Variants in ZNF706 observed in about 807,000 individuals in gnomAD.
The protein encoded by ZNF706 is transcriptional regulator ZNF706.
A neutral mutation model predicts 9.2 loss-of-function variants in ZNF706; 4 were observed. The ratio of observed to expected loss-of-function variants is 0.43; its 90% confidence interval spans 0.21 to 0.99. ZNF706 has a LOEUF of 0.99. Ranked by LOEUF, ZNF706 falls within the 50% of genes least tolerant of loss-of-function variation. The pLI, the probability that ZNF706 is intolerant of heterozygous loss-of-function variation, is 0.26. For missense variants in ZNF706, 27 were observed against 87.8 expected (o/e 0.31, Z 2.77); for synonymous variants, 28 against 27.3 (o/e 1.03, Z -0.08).
chr8:101,199,718 T>C (rs899214210), intron 3 of ZNF706, among the ~76,000 whole-genome samples: 1 of 152,208 alleles, frequency 6.6e-6, no homozygotes, highest in African/African-American at 2.4e-5. Context: ...CTATTTTCTT[T>C]AAACTGATAA....
At position 101,201,347 on chromosome 8, in the gene ZNF706, A is replaced by G; in HGVS notation, c.135+260T>C. 2.3e-6 allele frequency: 1 copy of G among 435,076 alleles called. No individual in the cohort carries two copies. The allele number at this position is 435,076 out of a possible 1,614,324, so 27.0% of individuals were successfully genotyped here. On this transcript the variant is annotated intron_variant, in intron 2 of 3. Coordinates refer to ENST00000311212, the MANE Select transcript of ZNF706 (RefSeq NM_016096.5). The surrounding 1 kb of genome is among the most constrained non-coding windows in gnomAD (Gnocchi z 4.5). Reference sequence around the variant, plus strand: ...AAGTGTATTATATGCCCTTATGAAGACATCTTTATTTTATATGAGGAAAGC... The same window carrying G: ...AAGTGTATTATATGCCCTTATGAAGGCATCTTTATTTTATATGAGGAAAGC...
intron 3 of ZNF706, among the ~76,000 whole-genome samples, 181 bp from the exon 4 acceptor site, chr8:101,199,420 C>T (rs547098888): frequency 6.6e-6 from 1 of 152,274 alleles, no homozygotes; most frequent in Non-Finnish European, 1.5e-5. Flanking sequence ...AAACACACAA[C>T]ACACCCACCA....
chr8:101,200,346 T>G (rs766907256), intron 2 of ZNF706: 1 of 320,770 alleles, frequency 3.1e-6, no homozygotes, highest in Non-Finnish European at 5.9e-6. Flanking sequence ...CAGCAAACAA[T>G]AGGTAACATT....
At chr8:101,202,155 T>C (rs572962026) in intron 1 of ZNF706, among the ~76,000 whole-genome samples, 6 of 152,052 alleles carry the variant, frequency 3.9e-5, no homozygotes, top group East Asian at 3.9e-4. Context: ...ATTTAAAAAA[T>C]TGTGGCCAGG....
rs150178432 is a variant in ZNF706, at chr8:101,197,757, G to C, written c.*1495C>G. The C allele has an allele frequency of 9.2e-5, 14 of 152,076 alleles. No individual in the cohort carries two copies. Among genetic ancestry groups the C allele is most frequent in the African/African-American group, 3.4e-4 (14 of 41,424 alleles). The allele number at this position is 152,076 out of a possible 1,614,324, so 9.4% of individuals were successfully genotyped here. A position where few individuals can be genotyped will look rare whatever the true frequency, so the allele number is the denominator to read the frequency against. On this transcript the variant is annotated 3_prime_UTR_variant, in exon 4 of 4. Coordinates refer to ENST00000311212, the MANE Select transcript of ZNF706 (RefSeq NM_016096.5). ...GGAAATAAAATACACAAAATAAAAG[G>C]ACTATTTTAAAGTAAGGGCATAAGA...
chr8:101,200,077 C>T lies in ZNF706; in HGVS notation c.156G>A (p.Lys52=). ...TGCTCTCAAAGTGCTGCTTGAAGGT[C>T]TTAGGGTCTGGCATTTGTGTCTAAC... The part of the protein sequence containing the change: ...TVCRTQMPDP[K]TFKQHFESKH... Residue 52 remains lysine, a synonymous_variant, in exon 3 of 4, where the codon AAG becomes AAA. Transcript: ENST00000311212. 6.2e-7 allele frequency: 1 copy of T among 1,612,498 alleles called. No individual in the cohort carries two copies. The highest frequency in any genetic ancestry group is 8.5e-7 in the Non-Finnish European group (1 of 1,179,580).
chr8:101,201,064 G>T lies in ZNF706; in HGVS notation c.135+543C>A. The T allele has an allele frequency of 5.8e-6, 1 of 171,360 alleles. No homozygotes were observed. Among genetic ancestry groups the T allele is most frequent in the South Asian group, 1.0e-4 (1 of 9,640 alleles). The allele number at this position is 171,360 out of a possible 1,614,324, so 10.6% of individuals were successfully genotyped here. A position where few individuals can be genotyped will look rare whatever the true frequency, so the allele number is the denominator to read the frequency against. Reference sequence around the variant, plus strand: ...ATAGGGTTGTTATGTGGATTAAATAGGTGAATACATGTAAAACACCTGGCT... The same window carrying T: ...ATAGGGTTGTTATGTGGATTAAATATGTGAATACATGTAAAACACCTGGCT... On this transcript the variant is annotated intron_variant, in intron 2 of 3. Transcript: ENST00000311212. The surrounding 1 kb of genome is among the most constrained non-coding windows in gnomAD (Gnocchi z 4.5).
chr8:101,204,678 T>C (rs746917663), intron 1 of ZNF706: 4 of 985,444 alleles, frequency 4.1e-6, no homozygotes, highest in Non-Finnish European at 4.8e-6. Context: ...ACTCTCAGTG[T>C]GGTTTTCCGA....
In ZNF706 at chr8:101,201,429, G is replaced by A. The variant is rs986670359; in HGVS notation, c.135+178C>T. The A allele has an allele frequency of 5.3e-5, 32 of 605,050 alleles. No homozygotes were observed. The highest frequency in any genetic ancestry group is 4.5e-4 in the Middle Eastern group (1 of 2,234). 37.5% of individuals were successfully genotyped at this position (605,050 alleles called of 1,614,324 possible). ...ACCTAGAGATTTTTGCCTGGCCACA[G>A]GAGCCATTCAAAAAATATTTGTTTA... On this transcript the variant is annotated intron_variant, in intron 2 of 3. Transcript: ENST00000311212. The surrounding 1 kb of genome is among the most constrained non-coding windows in gnomAD (Gnocchi z 4.5).
At chr8:101,199,527 A>G (rs1030824876) in intron 3 of ZNF706, among the ~76,000 whole-genome samples, 41 of 152,200 alleles carry the variant, frequency 2.7e-4, no homozygotes, top group African/African-American at 9.9e-4. Context: ...TATATAGCAC[A>G]TATCTACATC....
Position 101,201,869 on chromosome 8 carries a change from AG to A in ZNF706, c.-2-127del. On this transcript the variant is annotated intron_variant, in intron 1 of 3. Coordinates refer to ENST00000311212, the MANE Select transcript of ZNF706 (RefSeq NM_016096.5). This position sits in a 1 kb window ranked among gnomAD's most constrained non-coding sequence, Gnocchi z 4.5. The stretch of plus-strand genomic sequence containing the variant: ...AAATATCTGGCAAATAAAAATTTAT[AG>A]GTATTAAAATTCCCACATATAAATG... 9.8e-7 allele frequency: 1 copy of A among 1,019,708 alleles called. No individual in the cohort carries two copies. Among genetic ancestry groups the A allele is most frequent in the Non-Finnish European group, 1.4e-6 (1 of 716,584 alleles). 63.2% of individuals were successfully genotyped at this position (1,019,708 alleles called of 1,614,324 possible).
At chr8:101,204,919 T>G in intron 1 of ZNF706, 1 of 985,598 alleles carries the variant, frequency 1.0e-6, no homozygotes, top group Non-Finnish European at 1.2e-6. Context: ...ACCATCGTTT[T>G]GGGGAGAGGA....
At chr8:101,200,993 C>T in intron 2 of ZNF706, 1 of 260,610 alleles carries the variant, frequency 3.8e-6, no homozygotes, top group Admixed American at 4.6e-5. Flanking sequence ...TTCCATTAGT[C>T]AGTTTACTCT....
At chr8:101,200,206 C>A in intron 2 of ZNF706, 109 bp from the exon 3 acceptor site, 1 of 789,288 alleles carries the variant, frequency 1.3e-6, no homozygotes, top group Non-Finnish European at 2.0e-6. Flanking sequence ...CCAAAAACAC[C>A]TTTAAATTCC....
chr8:101,199,854 CA>C lies in ZNF706; in HGVS notation c.*12+135del, dbSNP rs1586265318. 8.5e-5 allele frequency: 53 copies of C among 626,364 alleles called. 1 individual carries two copies. The East Asian group carries it at 1.5e-3, about 18-fold the overall frequency. The allele number at this position is 626,364 out of a possible 1,614,324, so 38.8% of individuals were successfully genotyped here. On this transcript the variant is annotated intron_variant, in intron 3 of 3. Transcript: ENST00000311212. Reference sequence around the variant, plus strand: ...AATAGTCTGAGAAAAAGGGACTTTTCAGTTACACATTAACTTAAAAAGGGGA... The same window carrying C: ...AATAGTCTGAGAAAAAGGGACTTTTCGTTACACATTAACTTAAAAAGGGGA...
rs1268107630 is a variant in ZNF706, at chr8:101,204,708, G to C, written c.-3+727C>G. The C allele has an allele frequency of 5.1e-6, 5 of 985,366 alleles. No homozygotes were observed. The African/African-American group carries it at 8.7e-5, about 17-fold the overall frequency. The allele number at this position is 985,366 out of a possible 1,614,324, so 61.0% of individuals were successfully genotyped here. On this transcript the variant is annotated intron_variant, in intron 1 of 3. Coordinates refer to ENST00000311212, the MANE Select transcript of ZNF706 (RefSeq NM_016096.5). Reference sequence around the variant, plus strand: ...TTCCGAGGGGGCTGCAAAGAGGGAAGTAGTGGAAGAAACGAGTTCTAAAAT... The same window carrying C: ...TTCCGAGGGGGCTGCAAAGAGGGAACTAGTGGAAGAAACGAGTTCTAAAAT...
chr8:101,200,149 T>C (rs757441200), intron 2 of ZNF706, 52 bp from the exon 3 acceptor site: 1 of 1,436,260 alleles, frequency 7.0e-7, no homozygotes, highest in Non-Finnish European at 9.8e-7. Context: ...AAAATAAAAA[T>C]GTGTTACTTT....
rs1359411521 is a variant in ZNF706 at position 101,198,016 on chromosome 8, G to C, written c.*1236C>G. ...ATATTAATTTAAAAATTTAAACCGA[G>C]TTAACAGCAGTTTTACAAGTTAAGA... On this transcript the variant is annotated 3_prime_UTR_variant, in exon 4 of 4. Coordinates refer to ENST00000311212, the MANE Select transcript of ZNF706 (RefSeq NM_016096.5). 1.3e-5 allele frequency: 2 copies of C among 152,116 alleles called. No homozygotes were observed. The highest frequency in any genetic ancestry group is 2.9e-5 in the Non-Finnish European group (2 of 68,000). 9.4% of individuals were successfully genotyped at this position (152,116 alleles called of 1,614,324 possible).
chr8:101,200,127 GACTTT>G, intron 2 of ZNF706, 30 bp from the exon 3 acceptor site: 1 of 1,530,756 alleles, frequency 6.5e-7, no homozygotes, highest in Non-Finnish European at 9.0e-7. Flanking sequence ...AAGAGAGCTA[GACTTT>G]ATTTATAAAA....
Sources: gnomAD v4.1 joint callset for allele counts (sites outside exome capture counted in the v4.1 genomes callset) on GRCh38, gnomAD v4.1.1 for gene constraint, Gnocchi (gnomAD v3.1) non-coding constraint, MANE v1.5 for transcripts, NCBI Gene and HGNC (gene_info 2026-07-23, HGNC 2026-07-21) for gene names.